ITPRID1: variants seen among roughly 807,000 people sequenced by gnomAD.
ITPRID1 encodes the protein protein ITPRID1.
In ITPRID1, 96 loss-of-function variants were observed where a neutral mutation model predicts 95.4. The ratio of observed to expected loss-of-function variants is 1.01; its 90% CI spans 0.85 to 1.19. The LOEUF is 1.19. Ranked by LOEUF, ITPRID1 falls within the 50% of genes most tolerant of loss-of-function variation. ITPRID1 has a pLI of 0.00. For synonymous variants in ITPRID1, 510 were observed against 453.6 expected (o/e 1.12, Z -1.58); for missense variants, 1,339 against 1,252.9 (o/e 1.07, Z -1.04).
At chr7:31,599,590 TTTCTTTC>T (rs1332620398) in intron 10 of ITPRID1, among the ~76,000 whole-genome samples, 1 of 41,614 alleles carries the variant, frequency 2.4e-5, no homozygotes, top group Admixed American at 3.1e-4. Context: ...TGTTATTTTC[TTTCTTTC>T]TTTCTTTCTT....
At chr7:31,542,638 G>A in intron 1 of ITPRID1, among the ~76,000 whole-genome samples, 1 of 152,142 alleles carries the variant, frequency 6.6e-6, no homozygotes, top group Admixed American at 6.6e-5. Context: ...AGTTCAAGAT[G>A]TAGCTATCTT....
At chr7:31,611,185 G>C (rs1451605463) in intron 10 of ITPRID1, among the ~76,000 whole-genome samples, 1 of 151,138 alleles carries the variant, frequency 6.6e-6, no homozygotes, top group Non-Finnish European at 1.5e-5. Flanking sequence ...ATCTAGATAG[G>C]ATTAGTACCA....
intron 1 of ITPRID1, among the ~76,000 whole-genome samples, chr7:31,543,222 A>G (rs1193831375): frequency 6.6e-6 from 1 of 152,126 alleles, no homozygotes; most frequent in South Asian, 2.1e-4. Flanking sequence ...CAGGGGTTCC[A>G]TAAGGAAAAC....
At chr7:31,651,415 T>C in intron 13 of ITPRID1, 146 bp downstream of exon 13, 1 of 986,788 alleles carries the variant, frequency 1.0e-6, no homozygotes, top group South Asian at 2.2e-5. Flanking sequence ...GTCTTGTTCT[T>C]GCTTTCTCAG....
intron 10 of ITPRID1, among the ~76,000 whole-genome samples, chr7:31,625,047 G>A (rs1286177095): frequency 6.6e-6 from 1 of 152,196 alleles, no homozygotes; most frequent in Non-Finnish European, 1.5e-5. Flanking sequence ...GGCCATCAGA[G>A]AAATGCAAAT....
At chr7:31,539,993 ATTTAGGCAGT>A in intron 1 of ITPRID1, among the ~76,000 whole-genome samples, 1 of 152,168 alleles carries the variant, frequency 6.6e-6, no homozygotes, top group Non-Finnish European at 1.5e-5. Flanking sequence ...TGCCCTTTGG[ATTTAGGCAGT>A]TTTTTATCGA....
chr7:31,552,449 T>A (rs1025190388), intron 2 of ITPRID1, among the ~76,000 whole-genome samples: 1 of 152,182 alleles, frequency 6.6e-6, no homozygotes, highest in Non-Finnish European at 1.5e-5. Context: ...TAGCACATAA[T>A]AAGTATTCCA....
At chr7:31,589,832 T>C (rs1785784842) in intron 10 of ITPRID1, among the ~76,000 whole-genome samples, 1 of 152,102 alleles carries the variant, frequency 6.6e-6, no homozygotes. Context: ...GGCAGGGTAT[T>C]GTGGTGTTGT....
rs377142413 is a variant in ITPRID1, at chr7:31,654,050, G to A, written c.*1221G>A. 2.4e-3 allele frequency among the ~76,000 whole-genome samples: 29 copies of A among 12,296 alleles called. No homozygotes were observed. The highest frequency in any genetic ancestry group is 9.4e-3 in the African/African-American group (28 of 2,976). 8.1% of individuals were successfully genotyped at this position (12,296 alleles called of 152,430 possible). Reference sequence around the variant, plus strand: ...TCAGAAAGAGTTGGATGAAGAGTAAGTCCAAAAAAAAAAAAAAAAAAACCA... The same window carrying A: ...TCAGAAAGAGTTGGATGAAGAGTAAATCCAAAAAAAAAAAAAAAAAAACCA... On this transcript the variant is annotated 3_prime_UTR_variant, in exon 15 of 15. Transcript: ENST00000615280.
At chr7:31,589,181 C>T (rs1785756143) in intron 10 of ITPRID1, among the ~76,000 whole-genome samples, 1 of 151,884 alleles carries the variant, frequency 6.6e-6, no homozygotes, top group African/African-American at 2.4e-5. Flanking sequence ...AACTATAATT[C>T]CTGAAATTCA....
intron 12 of ITPRID1, among the ~76,000 whole-genome samples, chr7:31,645,281 A>C (rs1790367618): frequency 6.6e-6 from 1 of 152,210 alleles, no homozygotes; most frequent in South Asian, 2.1e-4. Flanking sequence ...TTGGCCTTTC[A>C]ATGTATAGAA....
At position 31,553,274 on chromosome 7, in the gene ITPRID1, T is replaced by G. The variant is rs537974384; in HGVS notation, c.163+87T>G. On this transcript the variant is annotated intron_variant, in intron 3 of 14. Coordinates refer to ENST00000615280, the MANE Select transcript of ITPRID1 (RefSeq NM_001257967.3). ...GCTTTTGGCCAGGGGCAGGTGATTT[T>G]GGAACAAAAGTATTTGGCTTTGAAT... 1.5e-5 allele frequency: 19 copies of G among 1,289,676 alleles called. No homozygotes were observed. The African/African-American group carries it at 2.2e-4, about 15-fold the overall frequency. The allele number at this position is 1,289,676 out of a possible 1,614,324, so 79.9% of individuals were successfully genotyped here.
chr7:31,624,322 T>A (rs997495374), intron 10 of ITPRID1, among the ~76,000 whole-genome samples: 1 of 146,754 alleles, frequency 6.8e-6, no homozygotes, highest in African/African-American at 2.5e-5. Flanking sequence ...AAGGCAATCC[T>A]AAGCCAAAAG....
In ITPRID1 at chr7:31,643,257, C is replaced by T; in HGVS notation, c.1887C>T (p.Thr629=). ...EEESSGFCPH[T]NHSLLVPESS... Reference sequence around the variant, plus strand: ...AAAGCAGTGGATTCTGTCCTCACACCAACCACAGCTTACTCGTACCAGAAA... The same window carrying T: ...AAAGCAGTGGATTCTGTCCTCACACTAACCACAGCTTACTCGTACCAGAAA... The change falls in exon 12 of 15, where the codon ACC becomes ACT. Residue 629 remains threonine, a synonymous_variant. Transcript: ENST00000615280. 2 of 1,613,778 alleles carry T rather than the reference C, an allele frequency of 1.2e-6. No homozygotes were observed. Among genetic ancestry groups the T allele is most frequent in the Non-Finnish European group, 1.7e-6 (2 of 1,179,870 alleles).
intron 5 of ITPRID1, among the ~76,000 whole-genome samples, chr7:31,556,791 G>T (rs562068879): frequency 4.6e-5 from 7 of 152,072 alleles, no homozygotes; most frequent in Admixed American, 4.6e-4. Context: ...TCCTAGGGCA[G>T]CAGTAACAAA....
Position 31,653,861 on chromosome 7 carries a change from T to A in ITPRID1, c.*1032T>A, listed in dbSNP as rs898785019. Among the ~76,000 whole-genome samples, 4 of 152,150 alleles carry A rather than the reference T, an allele frequency of 2.6e-5. No homozygotes were observed. Among genetic ancestry groups the A allele is most frequent in the Admixed American group, 6.5e-5 (1 of 15,270 alleles). ...ATTTAGATCAATGTTCAGACAGCCC[T>A]GGTTGAGGAAGTAACAACAGAAGAG... is the stretch of plus-strand genomic sequence containing the variant. On this transcript the variant is annotated 3_prime_UTR_variant, in exon 15 of 15. Transcript: ENST00000615280.
At chr7:31,564,961 A>G (rs1268350452) in intron 5 of ITPRID1, among the ~76,000 whole-genome samples, 1 of 152,174 alleles carries the variant, frequency 6.6e-6, no homozygotes, top group Non-Finnish European at 1.5e-5. Flanking sequence ...ATTATTAAGA[A>G]CAGGCAAAGG....
At chr7:31,624,204 AT>A (rs1275537540) in intron 10 of ITPRID1, among the ~76,000 whole-genome samples, 13 of 148,024 alleles carry the variant, frequency 8.8e-5, no homozygotes, top group Admixed American at 5.4e-4. Context: ...GCCCAAGGTA[AT>A]TTATAGATTC....
At chr7:31,641,457 G>A (rs142518979) in intron 10 of ITPRID1, among the ~76,000 whole-genome samples, 135 of 151,146 alleles carry the variant, frequency 8.9e-4, no homozygotes, top group Middle Eastern at 3.4e-3. Context: ...ATAACTGAAA[G>A]CATTTCTCAT....
Sources: gnomAD v4.1 joint callset for allele counts (sites outside exome capture counted in the v4.1 genomes callset) on GRCh38, gnomAD v4.1.1 for gene constraint, MANE v1.5 for transcripts, NCBI Gene and HGNC (gene_info 2026-07-23, HGNC 2026-07-21) for gene names.